The following PDS5B variants were observed in gnomAD, a reference collection of about 807,000 sequenced individuals.
PDS5B encodes sister chromatid cohesion protein PDS5 homolog B.
In PDS5B, 51 loss-of-function variants were observed where a neutral mutation model predicts 184.1. The observed-to-expected ratio is 0.28, with a 90% CI of 0.22 to 0.35. PDS5B has a LOEUF of 0.35. Among genes scored for constraint, PDS5B ranks in the 10% least tolerant of loss-of-function variants. PDS5B has a pLI of 1.00. For missense variants in PDS5B, 1,180 were observed against 1,723.3 expected, an observed-to-expected ratio of 0.68 and a Z score of 5.58; for synonymous variants, 566 against 569.2, an observed-to-expected ratio of 0.99 and a Z score of 0.08.
At chr13:32,685,113 C>A (rs1343893712) in intron 11 of PDS5B, among the ~76,000 whole-genome samples, 5 of 151,786 alleles carry the variant, frequency 3.3e-5, no homozygotes, top group African/African-American at 1.2e-4. Flanking sequence ...GACTCCGTCT[C>A]AAAAAAAACA....
At chr13:32,703,818 T>G (rs1294433572) in intron 17 of PDS5B, among the ~76,000 whole-genome samples, 4 of 152,220 alleles carry the variant, frequency 2.6e-5, no homozygotes, top group Admixed American at 1.3e-4. Flanking sequence ...AAAAAAATTT[T>G]TGTGTTTCAA....
At chr13:32,645,538 GTAGT>G (rs1193854589) in intron 1 of PDS5B, among the ~76,000 whole-genome samples, 1 of 152,108 alleles carries the variant, frequency 6.6e-6, no homozygotes, top group Non-Finnish European at 1.5e-5. Flanking sequence ...GTAATAAGAT[GTAGT>G]TTCTCAGCTT....
chr13:32,746,626 T>C (rs981694011), intron 24 of PDS5B, among the ~76,000 whole-genome samples: 1 of 152,206 alleles, frequency 6.6e-6, no homozygotes, highest in Non-Finnish European at 1.5e-5. Context: ...ATCGCTATGC[T>C]TGTGCTTTGA....
intron 17 of PDS5B, among the ~76,000 whole-genome samples, chr13:32,704,080 T>G (rs1951937780): frequency 6.6e-6 from 1 of 152,214 alleles, no homozygotes; most frequent in African/African-American, 2.4e-5. Context: ...TGTGGTTTAT[T>G]TCAGCCTTTG....
At chr13:32,641,929 CTCTT>C (rs572043582) in intron 1 of PDS5B, among the ~76,000 whole-genome samples, 141 of 152,292 alleles carry the variant, frequency 9.3e-4, no homozygotes, top group Non-Finnish European at 1.2e-3. Flanking sequence ...GAGGGCAGAG[CTCTT>C]TCTTGTACAT....
intron 26 of PDS5B, 93 bp from the exon 27 acceptor site, chr13:32,757,994 G>A: frequency 2.0e-6 from 1 of 499,924 alleles, no homozygotes; most frequent in Non-Finnish European, 3.3e-6. Context: ...ATATTATCTA[G>A]GTTTGTTATA....
rs1951052391 is a variant in PDS5B, at chr13:32,675,933, G to A, written c.936G>A (p.Lys312=). 2 of 1,613,264 alleles carry A rather than the reference G, an allele frequency of 1.2e-6. No homozygotes were observed. The highest frequency in any genetic ancestry group is 8.5e-7 in the Non-Finnish European group (1 of 1,179,422). Residue 312 remains lysine (K), a synonymous_variant, in exon 9 of 35, where the codon AAG becomes AAA. Coordinates refer to ENST00000315596, the MANE Select transcript of PDS5B (RefSeq NM_015032.4). The part of the protein sequence containing the change: ...AKDSELASQN[K]PLWQCYLGRF... ...ATTCAGAATTGGCTTCTCAAAACAA[G>A]CCACTTTGGCAGTGCTACTTGGGCA...
At chr13:32,762,209 G>A (rs2141018460) in intron 30 of PDS5B, among the ~76,000 whole-genome samples, 1 of 152,272 alleles carries the variant, frequency 6.6e-6, no homozygotes, top group South Asian at 2.1e-4. Context: ...TTTAGCATAA[G>A]TGCTTAGGGC....
chr13:32,650,503 T>G (rs1950342437), intron 2 of PDS5B: 1 of 152,204 alleles, frequency 6.6e-6, no homozygotes, highest in Non-Finnish European at 1.5e-5. Context: ...AACATTTTAT[T>G]CAAAATATGC....
chr13:32,732,921 A>G (rs188686590), intron 20 of PDS5B, among the ~76,000 whole-genome samples: 140 of 152,236 alleles, frequency 9.2e-4, no homozygotes, highest in African/African-American at 3.3e-3. Flanking sequence ...AAGTACTTGG[A>G]CTTAATATCT....
At chr13:32,770,032 A>T in intron 31 of PDS5B, 89 bp from the exon 32 acceptor site, 2 of 1,107,690 alleles carry the variant, frequency 1.8e-6, no homozygotes, top group Non-Finnish European at 2.6e-6. Flanking sequence ...CTAGGACAAC[A>T]TTAGATAACA....
chr13:32,640,447 A>G lies in PDS5B; in HGVS notation c.-19-8307A>G, dbSNP rs2058640810. Among the ~76,000 whole-genome samples, 5 of 152,146 alleles carry G rather than the reference A, an allele frequency of 3.3e-5. No individual in the cohort carries two copies. In the South Asian group the frequency reaches 1.0e-3, roughly 32 times the overall value. On this transcript the variant is annotated intron_variant, in intron 1 of 34. Transcript: ENST00000315596. ...TATTTAGTAGAGACGGGGTTTCGCCATGTTGTCCTGGCTGGTCTCAAACTC... is the reference window on the plus strand; with the variant it reads ...TATTTAGTAGAGACGGGGTTTCGCCGTGTTGTCCTGGCTGGTCTCAAACTC...
chr13:32,753,620 C>G lies in PDS5B; in HGVS notation c.2941+84C>G, dbSNP rs1954065662. 3.7e-6 allele frequency: 3 copies of G among 810,030 alleles called. No individual in the cohort carries two copies. The South Asian group carries it at 7.4e-5, about 20-fold the overall frequency. The allele number at this position is 810,030 out of a possible 1,614,324, so 50.2% of individuals were successfully genotyped here. ...GAATATAGCATGATATATGATATTA[C>G]TGTTATTTATTATTTGTGATTAACA... On this transcript the variant is annotated intron_variant, in intron 25 of 34. Transcript: ENST00000315596.
intron 10 of PDS5B, 78 bp downstream of exon 10, chr13:32,679,007 A>T: frequency 4.9e-6 from 3 of 611,486 alleles, no homozygotes; most frequent in Non-Finnish European, 5.8e-6. Context: ...GGGAAAAAAA[A>T]CCCCTTTTTT....
At chr13:32,717,178 A>ATC (rs1241114878) in intron 19 of PDS5B, among the ~76,000 whole-genome samples, 1 of 152,046 alleles carries the variant, frequency 6.6e-6, no homozygotes, top group East Asian at 1.9e-4. Context: ...CCACCACCCC[A>ATC]TCTGGGAGGT....
intron 24 of PDS5B, among the ~76,000 whole-genome samples, chr13:32,747,166 G>A (rs369621711): frequency 7.2e-5 from 11 of 152,228 alleles, no homozygotes; most frequent in East Asian, 5.8e-4. Flanking sequence ...GAAGTCTTTA[G>A]CATCATTGAG....
chr13:32,609,900 G>GAAAAAAAAAAAAAAAAA (rs113024952), intron 1 of PDS5B, among the ~76,000 whole-genome samples: 1 of 132,226 alleles, frequency 7.6e-6, no homozygotes. Context: ...AAGAAAAAAA[G>GAAAAAAAAAAAAAAAAA]AAAAAAAAAA....
intron 34 of PDS5B, among the ~76,000 whole-genome samples, chr13:32,773,690 G>T (rs1954866067): frequency 6.6e-6 from 1 of 152,142 alleles, no homozygotes; most frequent in Non-Finnish European, 1.5e-5. Context: ...ATAGAAATTA[G>T]AAGTTAGTTA....
At chr13:32,591,020 C>A (rs1217012530) in intron 1 of PDS5B, among the ~76,000 whole-genome samples, 1 of 151,556 alleles carries the variant, frequency 6.6e-6, no homozygotes, top group Non-Finnish European at 1.5e-5. Flanking sequence ...CCTCCCCCCA[C>A]AGGTAATCCA....
Sources: gnomAD v4.1 joint callset for allele counts (sites outside exome capture counted in the v4.1 genomes callset) on GRCh38, gnomAD v4.1.1 for gene constraint, MANE v1.5 for transcripts, NCBI Gene and HGNC (gene_info 2026-07-23, HGNC 2026-07-21) for gene names.